AGBL4: variants seen among roughly 807,000 people sequenced by gnomAD.
AGBL4 encodes cytosolic carboxypeptidase 6.
A neutral mutation model predicts 66.4 loss-of-function variants in AGBL4; 58 were observed. The ratio of observed to expected loss-of-function variants is 0.87; its 90% confidence interval spans 0.71 to 1.09. AGBL4 has a LOEUF of 1.09. AGBL4 is among the 50% of genes least tolerant of loss of function. The probability of loss-of-function intolerance (pLI) is 0.00; values close to 1 mark genes in which losing one functional copy is unlikely to be tolerated. For missense variants in AGBL4, 579 were observed against 631.0 expected (o/e 0.92, Z 0.88); for synonymous variants, 234 against 222.9 (o/e 1.05, Z -0.44).
chr1:49,450,406 G>A (rs1345767108), intron 3 of AGBL4, among the ~76,000 whole-genome samples: 1 of 152,050 alleles, frequency 6.6e-6, no homozygotes, highest in African/African-American at 2.4e-5. Context: ...GAGCAGAGTT[G>A]GAAGAGCTCA....
chr1:49,056,814 A>G (rs187841673), intron 4 of AGBL4, among the ~76,000 whole-genome samples: 2 of 152,300 alleles, frequency 1.3e-5, no homozygotes, highest in Admixed American at 1.3e-4. Context: ...AAGGTAGTCT[A>G]TAGGATTTCT....
intron 3 of AGBL4, among the ~76,000 whole-genome samples, chr1:49,450,335 T>G (rs1390773447): frequency 6.6e-6 from 1 of 151,974 alleles, no homozygotes; most frequent in Non-Finnish European, 1.5e-5. Flanking sequence ...TAAAAAGAGA[T>G]AAAGTGAGAA....
At chr1:49,876,997 T>G (rs568278390) in intron 1 of AGBL4, among the ~76,000 whole-genome samples, 1 of 151,400 alleles carries the variant, frequency 6.6e-6, no homozygotes, top group South Asian at 2.1e-4. Context: ...GTGATTTTTG[T>G]ACATTGATTT....
At chr1:48,757,920 C>T (rs569922469) in intron 6 of AGBL4, among the ~76,000 whole-genome samples, 2 of 152,208 alleles carry the variant, frequency 1.3e-5, no homozygotes, top group East Asian at 1.9e-4. Context: ...TGTGTTATAC[C>T]GATTTCCTCA....
chr1:48,702,142 C>A (rs74076233), intron 6 of AGBL4, among the ~76,000 whole-genome samples: 5,135 of 152,248 alleles, frequency 0.034, 295 homozygotes, highest in African/African-American at 0.11. Flanking sequence ...TGTCCCTAAA[C>A]CTTGGATGCA....
intron 6 of AGBL4, among the ~76,000 whole-genome samples, chr1:48,832,058 A>C (rs1646564497): frequency 1.3e-5 from 2 of 152,224 alleles, no homozygotes; most frequent in South Asian, 4.1e-4. Context: ...ATAAGTGAAG[A>C]AAAATGAGTC....
intron 1 of AGBL4, among the ~76,000 whole-genome samples, chr1:50,016,050 T>C (rs950179059): frequency 1.3e-5 from 2 of 152,124 alleles, no homozygotes; most frequent in African/African-American, 4.8e-5. Context: ...GAAATACCAT[T>C]TTGCACATAG....
chr1:49,313,034 C>T (rs919792559), intron 3 of AGBL4, among the ~76,000 whole-genome samples: 1 of 151,802 alleles, frequency 6.6e-6, no homozygotes, highest in East Asian at 1.9e-4. Flanking sequence ...AGCCCCCCAA[C>T]CCCCAACAGG....
intron 5 of AGBL4, among the ~76,000 whole-genome samples, chr1:48,905,143 T>A (rs918193802): frequency 2.6e-5 from 4 of 152,176 alleles, no homozygotes; most frequent in Non-Finnish European, 5.9e-5. Flanking sequence ...AAATTGTGGG[T>A]TACTCATTGG....
intron 5 of AGBL4, among the ~76,000 whole-genome samples, chr1:48,875,166 T>C (rs1051116750): frequency 2.0e-5 from 3 of 152,130 alleles, no homozygotes; most frequent in Non-Finnish European, 4.4e-5. Context: ...TCACACAATA[T>C]GAATTTATTT....
intron 4 of AGBL4, among the ~76,000 whole-genome samples, chr1:49,226,209 T>C (rs1261203178): frequency 6.6e-6 from 1 of 152,166 alleles, no homozygotes; most frequent in African/African-American, 2.4e-5. Context: ...ATTTCCAGCC[T>C]TAATGCATAG....
chr1:49,947,773 T>C (rs1454181106), intron 1 of AGBL4, among the ~76,000 whole-genome samples: 1 of 149,638 alleles, frequency 6.7e-6, no homozygotes, highest in Non-Finnish European at 1.5e-5. Flanking sequence ...ACTGATTATA[T>C]GACTGTATAC....
chr1:50,005,002 T>A (rs1661026513), intron 1 of AGBL4, among the ~76,000 whole-genome samples: 1 of 152,112 alleles, frequency 6.6e-6, no homozygotes, highest in Non-Finnish European at 1.5e-5. Context: ...AGCAGATTCC[T>A]AAGGTTTCCA....
chr1:49,092,757 A>C (rs571453137), intron 4 of AGBL4, among the ~76,000 whole-genome samples: 1 of 152,100 alleles, frequency 6.6e-6, no homozygotes, highest in African/African-American at 2.4e-5. Flanking sequence ...CTTAGCTCTC[A>C]GCATAGAGCT....
chr1:49,530,287 A>G (rs1479051299), intron 3 of AGBL4, among the ~76,000 whole-genome samples: 6 of 147,242 alleles, frequency 4.1e-5, no homozygotes, highest in Non-Finnish European at 4.5e-5. Flanking sequence ...AAAAAACTCT[A>G]TGAGTTTTTT....
chr1:50,019,139 T>A (rs1232103216), intron 1 of AGBL4, among the ~76,000 whole-genome samples: 1 of 152,078 alleles, frequency 6.6e-6, no homozygotes, highest in Admixed American at 6.6e-5. Context: ...TGCCTTTCCA[T>A]AATAAAAAGA....
chr1:49,721,767 G>A (rs1648631558), intron 2 of AGBL4, among the ~76,000 whole-genome samples: 1 of 152,114 alleles, frequency 6.6e-6, no homozygotes, highest in Admixed American at 6.6e-5. Flanking sequence ...GGATTACAAA[G>A]ATAGAATCTT....
intron 3 of AGBL4, among the ~76,000 whole-genome samples, chr1:49,633,020 G>GCCT (rs1189287488): frequency 1.3e-5 from 2 of 152,082 alleles, no homozygotes; most frequent in African/African-American, 4.8e-5. Flanking sequence ...GTTGCAGTGA[G>GCCT]CTGAGATTGC....
At chr1:49,125,796 A>G (rs1053216954) in intron 4 of AGBL4, among the ~76,000 whole-genome samples, 3 of 152,162 alleles carry the variant, frequency 2.0e-5, no homozygotes, top group Non-Finnish European at 4.4e-5. Flanking sequence ...TACTAATTAG[A>G]GTTTGAGCCC....
Sources: gnomAD v4.1 joint callset for allele counts (sites outside exome capture counted in the v4.1 genomes callset) on GRCh38, gnomAD v4.1.1 for gene constraint, MANE v1.5 for transcripts, NCBI Gene and HGNC (gene_info 2026-07-23, HGNC 2026-07-21) for gene names.